The following BICRAL variants were observed in gnomAD, a reference collection of about 807,000 sequenced individuals.
BICRAL encodes BRD4-interacting chromatin-remodeling complex-associated protein-like.
In BICRAL, 8 loss-of-function variants were observed where a neutral mutation model predicts 91.8. The ratio of observed to expected loss-of-function variants is 0.09; its 90% CI spans 0.05 to 0.16. The LOEUF (loss-of-function observed/expected upper bound fraction) is 0.16. Among genes scored for constraint, BICRAL ranks in the 10% least tolerant of loss-of-function variants. The probability of loss-of-function intolerance (pLI) is 1.00; values close to 1 mark genes in which losing one functional copy is unlikely to be tolerated. For synonymous variants in BICRAL, 445 were observed against 491.1 expected, an observed-to-expected ratio of 0.91 and a Z score of 1.24; for missense variants, 1,038 against 1,310.9, an observed-to-expected ratio of 0.79 and a Z score of 3.21.
Position 42,867,132 on chromosome 6 carries a change from G to A in BICRAL, c.*1686G>A, listed in dbSNP as rs1765731495. On this transcript the variant is annotated 3_prime_UTR_variant, in exon 13 of 13. Transcript: ENST00000314073. Reference sequence around the variant, plus strand: ...CGCCAACATGGGGATGACCCCCATTGTCATCATGTTGGGCATTTCTTTTCC... The same window carrying A: ...CGCCAACATGGGGATGACCCCCATTATCATCATGTTGGGCATTTCTTTTCC... 4.0e-6 allele frequency: 1 copy of A among 248,160 alleles called. No individual in the cohort carries two copies. The highest frequency in any genetic ancestry group is 4.9e-5 in the Admixed American group (1 of 20,612). 15.4% of individuals were successfully genotyped at this position (248,160 alleles called of 1,614,324 possible). A position where few individuals can be genotyped will look rare whatever the true frequency, so the allele number is the denominator to read the frequency against.
At chr6:42,817,477 CT>C (rs1278866567) in intron 2 of BICRAL, among the ~76,000 whole-genome samples, 690 of 140,430 alleles carry the variant, frequency 4.9e-3, no homozygotes, top group Middle Eastern at 7.3e-3. Flanking sequence ...TACAAGAACT[CT>C]TTTTTTTTTT....
intron 1 of BICRAL, among the ~76,000 whole-genome samples, chr6:42,755,098 G>A (rs140493353): frequency 2.3e-4 from 35 of 152,282 alleles, no homozygotes; most frequent in African/African-American, 7.7e-4. Flanking sequence ...AGGAGAAAAG[G>A]GTGGAGGTAG....
At chr6:42,795,283 T>C (rs1036522565) in intron 1 of BICRAL, among the ~76,000 whole-genome samples, 3 of 152,038 alleles carry the variant, frequency 2.0e-5, no homozygotes, top group Non-Finnish European at 1.5e-5. Context: ...ATATAAAAAT[T>C]AGCTGGGCAT....
intron 1 of BICRAL, among the ~76,000 whole-genome samples, chr6:42,757,158 G>A (rs907171503): frequency 6.6e-6 from 1 of 151,968 alleles, no homozygotes; most frequent in Admixed American, 6.6e-5. Flanking sequence ...TTTTTTTGAT[G>A]GATGGAGCAA....
chr6:42,791,230 CCCAGGTTCT>C (rs1468924188), intron 1 of BICRAL, among the ~76,000 whole-genome samples: 3 of 152,108 alleles, frequency 2.0e-5, no homozygotes, highest in African/African-American at 4.8e-5. Context: ...TCCTCTTATA[CCCAGGTTCT>C]CCTTAATCCC....
At chr6:42,830,379 A>G (rs752364291) in intron 6 of BICRAL, among the ~76,000 whole-genome samples, 2 of 152,080 alleles carry the variant, frequency 1.3e-5, no homozygotes, top group Non-Finnish European at 1.5e-5. Context: ...CAGCCTGGGC[A>G]ACATAGTGAG....
intron 1 of BICRAL, among the ~76,000 whole-genome samples, chr6:42,792,281 G>GT (rs1175461456): frequency 6.6e-6 from 1 of 151,986 alleles, no homozygotes; most frequent in South Asian, 2.1e-4. Context: ...AACATTTTTG[G>GT]TTTTTTTCTG....
chr6:42,752,778 A>G (rs369553361), intron 1 of BICRAL, among the ~76,000 whole-genome samples: 1 of 151,420 alleles, frequency 6.6e-6, no homozygotes, highest in East Asian at 1.9e-4. Context: ...TAATTTTTGT[A>G]TTTTTAGTAG....
intron 9 of BICRAL, among the ~76,000 whole-genome samples, chr6:42,856,126 G>T (rs1765343270): frequency 6.6e-6 from 1 of 151,900 alleles, no homozygotes; most frequent in African/African-American, 2.4e-5. Context: ...CCAGGAGTTT[G>T]AGACCAGCCT....
At chr6:42,774,611 T>G (rs568176945) in intron 1 of BICRAL, among the ~76,000 whole-genome samples, 4 of 148,180 alleles carry the variant, frequency 2.7e-5, no homozygotes, top group South Asian at 2.3e-4. Flanking sequence ...GTGAGAGAGA[T>G]ATATAAACAT....
chr6:42,845,044 G>A (rs1309991324), intron 6 of BICRAL, among the ~76,000 whole-genome samples: 2 of 151,866 alleles, frequency 1.3e-5, no homozygotes, highest in Non-Finnish European at 2.9e-5. Context: ...GGACAGCTGT[G>A]GGGTTGGATT....
chr6:42,765,266 G>A (rs1247158163), intron 1 of BICRAL, among the ~76,000 whole-genome samples: 6 of 152,206 alleles, frequency 3.9e-5, no homozygotes, highest in South Asian at 2.1e-4. Context: ...TGATTTGGAG[G>A]ACGGAATAAT....
chr6:42,823,451 T>C (rs531499554), intron 5 of BICRAL, among the ~76,000 whole-genome samples: 13 of 152,286 alleles, frequency 8.5e-5, no homozygotes, highest in African/African-American at 2.6e-4. Flanking sequence ...AGAAAATCTA[T>C]TGAATTATGT....
intron 5 of BICRAL, among the ~76,000 whole-genome samples, chr6:42,823,963 C>T (rs1431850453): frequency 6.9e-6 from 1 of 145,894 alleles, no homozygotes; most frequent in East Asian, 2.1e-4. Flanking sequence ...ATACACCAGG[C>T]ATGGTGGCTC....
At chr6:42,857,610 A>AT (rs1315041878) in intron 10 of BICRAL, among the ~76,000 whole-genome samples, 2 of 100,378 alleles carry the variant, frequency 2.0e-5, no homozygotes, top group South Asian at 3.1e-4. Context: ...TAAAAAAAAA[A>AT]AAAAATATAT....
chr6:42,819,078 C>T (rs1764071229), intron 2 of BICRAL, among the ~76,000 whole-genome samples: 1 of 152,058 alleles, frequency 6.6e-6, no homozygotes, highest in African/African-American at 2.4e-5. Context: ...ATCACTCATC[C>T]AGGGATTTCC....
intron 1 of BICRAL, among the ~76,000 whole-genome samples, chr6:42,809,430 A>ATTTT (rs989054840): frequency 9.8e-5 from 11 of 111,922 alleles, no homozygotes; most frequent in South Asian, 2.8e-4. Context: ...AACTATGAGA[A>ATTTT]TTTTTTTTTT....
At chr6:42,814,458 C>T (rs1354468661) in intron 2 of BICRAL, among the ~76,000 whole-genome samples, 10 of 111,838 alleles carry the variant, frequency 8.9e-5, no homozygotes, top group South Asian at 5.8e-4. Flanking sequence ...TGTATATATA[C>T]GTATACATAC....
At chr6:42,818,221 A>G (rs1202326823) in intron 2 of BICRAL, among the ~76,000 whole-genome samples, 5 of 152,178 alleles carry the variant, frequency 3.3e-5, no homozygotes, top group Non-Finnish European at 5.9e-5. Context: ...ATCTCACTAC[A>G]ATATTAATTT....
Sources: allele counts gnomAD v4.1 joint callset (sites outside exome capture counted in the v4.1 genomes callset), GRCh38; gene constraint gnomAD v4.1.1; transcripts MANE v1.5; gene names NCBI Gene and HGNC (gene_info 2026-07-23, HGNC 2026-07-21).